TRERF1: variants seen among roughly 807,000 people sequenced by gnomAD.
TRERF1 encodes the protein transcriptional regulating factor 1.
A neutral mutation model predicts 122.9 loss-of-function variants in TRERF1; 27 were observed. The ratio of observed to expected loss-of-function variants is 0.22; its 90% CI spans 0.16 to 0.30. TRERF1 has a LOEUF of 0.30. Among genes scored for constraint, TRERF1 ranks in the 10% least tolerant of loss-of-function variants. The pLI is 1.00. For missense variants in TRERF1, 1,248 were observed against 1,560.3 expected (o/e 0.80, Z 3.37); for synonymous variants, 636 against 641.7 (o/e 0.99, Z 0.13).
intron 4 of TRERF1, among the ~76,000 whole-genome samples, chr6:42,282,022 G>A (rs952423137): frequency 3.9e-5 from 6 of 152,218 alleles, no homozygotes; most frequent in African/African-American, 1.2e-4. Flanking sequence ...AGAGGAAGGT[G>A]TGATGCTTTT....
chr6:42,303,487 T>C (rs186064543), intron 3 of TRERF1, among the ~76,000 whole-genome samples: 25 of 152,326 alleles, frequency 1.6e-4, no homozygotes, highest in African/African-American at 4.6e-4. Context: ...CCGAGTAGCC[T>C]GTGCAAAGGT....
chr6:42,331,630 G>A (rs1017343718), intron 3 of TRERF1, among the ~76,000 whole-genome samples: 2 of 152,194 alleles, frequency 1.3e-5, no homozygotes, highest in South Asian at 2.1e-4. Context: ...ATCCCTAAGC[G>A]GGGAAGAGGC....
intron 2 of TRERF1, among the ~76,000 whole-genome samples, chr6:42,396,344 C>T (rs1455624837): frequency 6.6e-6 from 1 of 152,120 alleles, no homozygotes; most frequent in Non-Finnish European, 1.5e-5. Flanking sequence ...CCCCTCCTCC[C>T]ACCATGGCCA....
chr6:42,246,483 G>A, exon 14 of TRERF1: 1 of 1,596,728 alleles, frequency 6.3e-7, no homozygotes, highest in East Asian at 2.3e-5. Flanking sequence ...TAAAGTCTTT[G>A]CTGTAAGTGG....
intron 3 of TRERF1, among the ~76,000 whole-genome samples, chr6:42,318,894 G>T (rs1412402018): frequency 1.3e-5 from 2 of 152,202 alleles, no homozygotes; most frequent in Non-Finnish European, 2.9e-5. Context: ...TCACTTAGAA[G>T]TACTCTGAAG....
rs1456072507 is a variant in TRERF1 at position 42,445,353 on chromosome 6, G to GACACACAGACACAC, written c.-454+5823_-454+5824insGTGTGTCTGTGTGT. On this transcript the variant is annotated intron_variant, in intron 2 of 17. Transcript: ENST00000372922. ...AGCCTCAGGAAACACTACACACACA[G>GACACACAGACACAC]ACACACACACACACACACACACACA... Among the ~76,000 whole-genome samples, 5 of 86,630 alleles carry GACACACAGACACAC rather than the reference G, an allele frequency of 5.8e-5. 1 individual carries two copies. The highest frequency in any genetic ancestry group is 1.6e-4 in the African/African-American group (5 of 30,336). The allele number at this position is 86,630 out of a possible 152,430, so 56.8% of individuals were successfully genotyped here.
intron 3 of TRERF1, among the ~76,000 whole-genome samples, chr6:42,341,483 G>C (rs1028524928): frequency 6.6e-6 from 1 of 152,214 alleles, no homozygotes; most frequent in African/African-American, 2.4e-5. Context: ...TCATGGGTCT[G>C]CCCCGGAGTC....
chr6:42,371,427 A>T (rs1344867384), intron 2 of TRERF1, among the ~76,000 whole-genome samples: 1 of 152,140 alleles, frequency 6.6e-6, no homozygotes, highest in Non-Finnish European at 1.5e-5. Flanking sequence ...GTGGCAAAAT[A>T]GGAATAGAGA....
chr6:42,261,135 C>T (rs1220696453), intron 8 of TRERF1, among the ~76,000 whole-genome samples: 1 of 152,042 alleles, frequency 6.6e-6, no homozygotes, highest in Non-Finnish European at 1.5e-5. Flanking sequence ...GAGGCTGAGG[C>T]GAGAGAGGGG....
intron 3 of TRERF1, among the ~76,000 whole-genome samples, chr6:42,319,308 A>G (rs146791178): frequency 0.012 from 1,888 of 152,338 alleles, 19 homozygotes; most frequent in Non-Finnish European, 0.018. Context: ...TACTGCCCCC[A>G]TTAAAGATGC....
intron 13 of TRERF1, 49 bp downstream of exon 13, chr6:42,254,802 G>A: frequency 6.4e-7 from 1 of 1,551,756 alleles, no homozygotes; most frequent in Non-Finnish European, 8.9e-7. Flanking sequence ...GAACATGCAA[G>A]CAGCCCGTCG....
chr6:42,450,480 G>C (rs1392750793), intron 2 of TRERF1, among the ~76,000 whole-genome samples: 4 of 152,230 alleles, frequency 2.6e-5, no homozygotes, highest in African/African-American at 9.6e-5. Flanking sequence ...CTGGGGAAGA[G>C]TTTCCACAAA....
At chr6:42,445,193 T>C (rs1361699149) in intron 2 of TRERF1, among the ~76,000 whole-genome samples, 25 of 149,458 alleles carry the variant, frequency 1.7e-4, no homozygotes, top group African/African-American at 5.2e-4. Context: ...CACTTGAACA[T>C]GGGAGGCAGA....
At chr6:42,408,289 G>GTA in intron 2 of TRERF1, among the ~76,000 whole-genome samples, 1 of 134,316 alleles carries the variant, frequency 7.4e-6, no homozygotes, top group South Asian at 2.3e-4. Context: ...ATACACATGT[G>GTA]TGTGTATGTA....
At chr6:42,326,387 C>G (rs448444) in intron 3 of TRERF1, among the ~76,000 whole-genome samples, 75 of 152,310 alleles carry the variant, frequency 4.9e-4, no homozygotes, top group African/African-American at 1.7e-3. Flanking sequence ...GATTATAACA[C>G]AATTGCTTTA....
chr6:42,425,358 A>T (rs442021), intron 2 of TRERF1, among the ~76,000 whole-genome samples: 1 of 149,654 alleles, frequency 6.7e-6, no homozygotes, highest in Non-Finnish European at 1.5e-5. Context: ...ACAGCCCCCA[A>T]CCAACCCCCT....
chr6:42,236,482 C>T, intron 15 of TRERF1, 71 bp from the exon 16 acceptor site: 2 of 1,515,052 alleles, frequency 1.3e-6, no homozygotes, highest in Non-Finnish European at 1.8e-6. Flanking sequence ...ACAGAACTCA[C>T]AGATCAACAG....
chr6:42,229,290 A>G (rs2149458381), intron 17 of TRERF1, among the ~76,000 whole-genome samples: 1 of 152,200 alleles, frequency 6.6e-6, no homozygotes, highest in East Asian at 1.9e-4. Flanking sequence ...GGTACATACC[A>G]CCATGCCTGG....
chr6:42,300,869 A>G (rs549389299), intron 3 of TRERF1, 120 bp from the exon 4 acceptor site: 1 of 152,388 alleles, frequency 6.6e-6, no homozygotes, highest in East Asian at 1.9e-4. Flanking sequence ...GTCCTCACCT[A>G]CTCTTAGGTA....
Sources: gnomAD v4.1 joint callset for allele counts (sites outside exome capture counted in the v4.1 genomes callset) on GRCh38, gnomAD v4.1.1 for gene constraint, MANE v1.5 for transcripts, NCBI Gene and HGNC (gene_info 2026-07-23, HGNC 2026-07-21) for gene names.